The following DMD variants were observed in gnomAD, a reference collection of about 807,000 sequenced individuals.
DMD encodes mutant dystrophin.
DMD carries 63 observed loss-of-function variants against 330.1 expected under a neutral mutation model. The observed-to-expected ratio is 0.19, with a 90% CI of 0.16 to 0.24. The LOEUF (loss-of-function observed/expected upper bound fraction) is 0.24. DMD is among the 10% of genes least tolerant of loss of function. The pLI is 1.00. For missense variants in DMD, 3,344 were observed against 2,684.1 expected (o/e 1.25, Z -5.43); for synonymous variants, 1,223 against 959.8 (o/e 1.27, Z -5.07).
At chrX:31,237,143 C>A (rs2047812113) in intron 63 of DMD, among the ~76,000 whole-genome samples, 1 of 112,445 alleles carries the variant, frequency 8.9e-6, no homozygotes, top group Non-Finnish European at 1.9e-5. Flanking sequence ...ACATTTCTGT[C>A]TTAGGCTGGT....
intron 2 of DMD, among the ~76,000 whole-genome samples, chrX:32,872,467 G>T (rs1012441723): frequency 8.9e-6 from 1 of 112,047 alleles, no homozygotes; most frequent in African/African-American, 3.2e-5. Context: ...ATCACATGAG[G>T]TTAGATTGAA....
chrX:32,036,814 A>T (rs1048794333), intron 44 of DMD, among the ~76,000 whole-genome samples: 2 of 111,828 alleles, frequency 1.8e-5, no homozygotes, highest in African/African-American at 6.5e-5. Context: ...GGAAGGGCAG[A>T]TGAGGAATTC....
At chrX:31,618,187 C>CA (rs2078320997) in intron 55 of DMD, among the ~76,000 whole-genome samples, 1 of 104,748 alleles carries the variant, frequency 9.5e-6, no homozygotes, top group Non-Finnish European at 1.9e-5. Flanking sequence ...GCAATTTACC[C>CA]ATGTAACAAA....
intron 1 of DMD, among the ~76,000 whole-genome samples, chrX:33,338,095 C>T (rs1454010254): frequency 8.9e-6 from 1 of 111,872 alleles, no homozygotes; most frequent in African/African-American, 3.2e-5. Context: ...TATTATTTAA[C>T]ATCTGTTTTA....
At chrX:32,947,529 T>C (rs2090907057) in intron 2 of DMD, among the ~76,000 whole-genome samples, 1 of 111,641 alleles carries the variant, frequency 9.0e-6, no homozygotes, top group African/African-American at 3.2e-5. Context: ...AATGGTCTAA[T>C]TCAGTGTCAG....
At chrX:31,604,996 A>C (rs1408136974) in intron 55 of DMD, among the ~76,000 whole-genome samples, 1 of 112,217 alleles carries the variant, frequency 8.9e-6, no homozygotes, top group African/African-American at 3.2e-5. Context: ...GAATGAATAC[A>C]TTGCTTATTA....
intron 1 of DMD, among the ~76,000 whole-genome samples, chrX:33,068,648 A>G (rs1203000050): frequency 1.8e-5 from 2 of 112,621 alleles, no homozygotes; most frequent in African/African-American, 3.2e-5. Flanking sequence ...ACACATATAC[A>G]CAACACATAC....
intron 60 of DMD, among the ~76,000 whole-genome samples, chrX:31,375,751 T>C (rs2059853066): frequency 9.0e-6 from 1 of 111,712 alleles, no homozygotes. Flanking sequence ...CAGTTTCAGA[T>C]TTGCAAGGTG....
rs757406792 is a variant in DMD at position 31,590,449 on chromosome X, T to C, written c.8217+37224A>G. ...ACCCACAAGACATTTTCTTGTTAAG[T>C]TGCGAAGTAACTTTTAGTATATTTT... On this transcript the variant is annotated intron_variant, in intron 55 of 78. Transcript: ENST00000357033. 4.5e-5 allele frequency among the ~76,000 whole-genome samples: 5 copies of C among 111,843 alleles called. No individual in the cohort carries two copies. The East Asian group carries it at 8.4e-4, about 19-fold the overall frequency.
Position 32,637,184 on chromosome X carries a change from G to C in DMD, c.1331+6948C>G, listed in dbSNP as rs1602390252. On this transcript the variant is annotated intron_variant, in intron 11 of 78. Transcript: ENST00000357033. ...TTTAAATTATCTCTAGTAAGAATAG[G>C]TAATGTTGACACTCTGAAATTCTAT... 5.4e-5 allele frequency among the ~76,000 whole-genome samples: 6 copies of C among 111,390 alleles called. 2 individuals carry two copies. In the Admixed American group the frequency reaches 5.7e-4, roughly 11 times the overall value.
At chrX:32,782,985 T>C (rs1256644332) in intron 7 of DMD, among the ~76,000 whole-genome samples, 3 of 104,392 alleles carry the variant, frequency 2.9e-5, no homozygotes, top group Non-Finnish European at 3.9e-5. Context: ...TATACCTATA[T>C]GGTGTGTGTA....
At chrX:32,739,883 C>T (rs985156919) in intron 7 of DMD, among the ~76,000 whole-genome samples, 15 of 110,326 alleles carry the variant, frequency 1.4e-4, no homozygotes, top group African/African-American at 4.6e-4. Context: ...TCCCAACACT[C>T]CCTGTTTTAA....
At chrX:33,017,777 A>G (rs2093831860) in intron 2 of DMD, among the ~76,000 whole-genome samples, 1 of 111,486 alleles carries the variant, frequency 9.0e-6, no homozygotes, top group Non-Finnish European at 1.9e-5. Context: ...GAGCCCACTC[A>G]GTTCTAACTC....
intron 1 of DMD, among the ~76,000 whole-genome samples, chrX:33,129,325 CTTTTTTTTTTTTTT>C (rs58505662): frequency 2.6e-3 from 79 of 30,713 alleles, no homozygotes; most frequent in African/African-American, 9.8e-3. Context: ...TTAAGGTTTG[CTTTTTTTTTTTTTT>C]TTTTTTTTTT....
intron 50 of DMD, among the ~76,000 whole-genome samples, chrX:31,817,652 C>G (rs2092666189): frequency 2.7e-5 from 3 of 111,257 alleles, no homozygotes; most frequent in African/African-American, 9.8e-5. Flanking sequence ...TGAGGGCATT[C>G]CCAGACTCTC....
At chrX:32,387,043 C>T (rs960937722) in intron 32 of DMD, among the ~76,000 whole-genome samples, 2 of 110,292 alleles carry the variant, frequency 1.8e-5, no homozygotes, top group African/African-American at 6.6e-5. Flanking sequence ...AAAGTAAGGT[C>T]CTTTTCAATG....
At chrX:31,540,818 G>C (rs1401940594) in intron 55 of DMD, among the ~76,000 whole-genome samples, 1 of 112,090 alleles carries the variant, frequency 8.9e-6, no homozygotes, top group Non-Finnish European at 1.9e-5. Flanking sequence ...AAGGAAAATA[G>C]GTAGAAAGGC....
intron 2 of DMD, among the ~76,000 whole-genome samples, chrX:33,009,193 T>TGC (rs2093512122): frequency 4.8e-5 from 2 of 41,719 alleles, no homozygotes; most frequent in Admixed American, 2.6e-4. Flanking sequence ...CGTATATATG[T>TGC]ATATATGTGT....
intron 17 of DMD, among the ~76,000 whole-genome samples, chrX:32,533,998 C>T (rs1309646148): frequency 8.9e-6 from 1 of 112,045 alleles, no homozygotes; most frequent in Non-Finnish European, 1.9e-5. Context: ...GCATCATGAC[C>T]TGTTTCAATC....
Sources: gnomAD v4.1 joint callset for allele counts (sites outside exome capture counted in the v4.1 genomes callset) on GRCh38, gnomAD v4.1.1 for gene constraint, MANE v1.5 for transcripts, NCBI Gene and HGNC (gene_info 2026-07-23, HGNC 2026-07-21) for gene names.